SH3BP2: variants seen among roughly 807,000 people sequenced by gnomAD.
SH3BP2 encodes SH3 domain binding protein 2, also known as SH3 domain-binding protein 2.
SH3BP2 carries 38 observed loss-of-function variants against 56.2 expected under a neutral mutation model. The ratio of observed to expected loss-of-function variants is 0.68; its 90% confidence interval spans 0.52 to 0.89. SH3BP2 has a LOEUF of 0.89. Ranked by LOEUF, SH3BP2 falls within the 40% of genes least tolerant of loss-of-function variation. The pLI is 0.00. For synonymous variants in SH3BP2, 346 were observed against 316.7 expected, an observed-to-expected ratio of 1.09 and a Z score of -0.98; for missense variants, 748 against 762.6, an observed-to-expected ratio of 0.98 and a Z score of 0.23.
chr4:2,831,561 GC>G lies in SH3BP2; in HGVS notation c.1242-6del. 6.4e-7 allele frequency: 1 copy of G among 1,563,576 alleles called. No individual in the cohort carries two copies. The highest frequency in any genetic ancestry group is 8.7e-7 in the Non-Finnish European group (1 of 1,152,388). ...GAAATGGTCCTGCCTTCCTCTCCCT[GC>G]CCCTCCAGGCGATCACCCCCCGATG... is the stretch of plus-strand genomic sequence containing the variant. On this transcript the variant is annotated splice_polypyrimidine_tract_variant and intron_variant, in intron 8 of 12. Coordinates refer to ENST00000503393, the MANE Select transcript of SH3BP2 (RefSeq NM_001122681.2). This position sits in a 1 kb window ranked among gnomAD's most constrained non-coding sequence, Gnocchi z 4.1.
chr4:2,806,831 G>A (rs1057236553), intron 1 of SH3BP2, among the ~76,000 whole-genome samples: 1 of 152,272 alleles, frequency 6.6e-6, no homozygotes, highest in Admixed American at 6.5e-5. Flanking sequence ...GGAAGGCCCA[G>A]TGGGGCATCC....
rs180843599 is a variant in SH3BP2 at position 2,825,294 on chromosome 4, T to G, written c.428+98T>G. On this transcript the variant is annotated intron_variant, in intron 5 of 12. Transcript: ENST00000503393. ...TCCCAGCCCCGGGCTTGGCATAGAA[T>G]TCCGTCCTTAAAGGTTTCCTGGAGG... The G allele has an allele frequency of 1.3e-3, 1,301 of 1,026,882 alleles. 20 individuals are homozygous for G. The African/African-American group carries it at 0.019, about 15-fold the overall frequency. The allele number at this position is 1,026,882 out of a possible 1,614,324, so 63.6% of individuals were successfully genotyped here.
intron 5 of SH3BP2, 170 bp downstream of exon 5, chr4:2,825,366 G>C: frequency 1.5e-6 from 1 of 678,484 alleles, no homozygotes; most frequent in Non-Finnish European, 2.7e-6. Context: ...GATAAACACA[G>C]ATACAGGACA....
intron 1 of SH3BP2, among the ~76,000 whole-genome samples, chr4:2,808,028 A>C (rs1386898383): frequency 6.6e-6 from 1 of 152,204 alleles, no homozygotes; most frequent in Admixed American, 6.5e-5. Flanking sequence ...GGAAGGACTC[A>C]GGTGAGTCCC....
intron 1 of SH3BP2, among the ~76,000 whole-genome samples, chr4:2,815,991 T>C (rs951957413): frequency 6.6e-6 from 1 of 152,220 alleles, no homozygotes; most frequent in Admixed American, 6.5e-5. Flanking sequence ...TGCTAGTATA[T>C]AGAAATAGAA....
chr4:2,799,043 T>A, intron 1 of SH3BP2: 1 of 985,492 alleles, frequency 1.0e-6, no homozygotes. Context: ...CATCGAGGCC[T>A]CCGGGCTGAT....
chr4:2,819,995 G>A (rs752762945), intron 1 of SH3BP2, among the ~76,000 whole-genome samples: 1 of 152,146 alleles, frequency 6.6e-6, no homozygotes, highest in Non-Finnish European at 1.5e-5. Flanking sequence ...ATCCTGGGCT[G>A]GTGGGGTGGA....
chr4:2,802,538 G>A (rs1181096827), intron 1 of SH3BP2, among the ~76,000 whole-genome samples: 1 of 139,242 alleles, frequency 7.2e-6, no homozygotes, highest in African/African-American at 2.9e-5. Context: ...ATGTATGTGT[G>A]TGTGTGTATA....
chr4:2,818,313 G>C, intron 1 of SH3BP2: 1 of 1,107,584 alleles, frequency 9.0e-7, no homozygotes, highest in Non-Finnish European at 1.1e-6. Context: ...GACGCGGCCC[G>C]GGGCCGTGCC....
At position 2,820,675 on chromosome 4, in the gene SH3BP2, C is replaced by T. The variant is rs1724253391; in HGVS notation, c.58C>T (p.Leu20=). Residue 20 remains leucine (L), a synonymous_variant, in exon 2 of 13, where the codon CTG becomes TTG. Coordinates refer to ENST00000503393, the MANE Select transcript of SH3BP2 (RefSeq NM_001122681.2). The part of the protein sequence containing the change: ...VPMKAIGAQN[L]LTMPGGVAKA... ...TATGAAGGCCATTGGTGCCCAGAAC[C>T]TGCTAACCATGCCTGGGGGCGTGGC... The T allele has an allele frequency of 6.2e-7, 1 of 1,614,084 alleles. No homozygotes were observed. The highest frequency in any genetic ancestry group is 8.5e-7 in the Non-Finnish European group (1 of 1,180,020).
intron 1 of SH3BP2, among the ~76,000 whole-genome samples, chr4:2,817,009 C>T (rs1577351197): frequency 6.6e-6 from 1 of 152,250 alleles, no homozygotes; most frequent in Non-Finnish European, 1.5e-5. Flanking sequence ...TTTGAGCCAA[C>T]TCTTGATGGC....
rs774809755 is a variant in SH3BP2 at position 2,820,714 on chromosome 4, C to T, written c.97C>T (p.Leu33=). ...MPGGVAKAGY[L]HKKGGTQLQL... is the part of the protein sequence containing the mutation. ...TGGGGGCGTGGCCAAGGCTGGCTAC[C>T]TGCACAAGAAGGGCGGTACCCAGCT... Residue 33 remains leucine (L), a synonymous_variant, in exon 2 of 13, where the codon CTG becomes TTG. Coordinates refer to ENST00000503393, the MANE Select transcript of SH3BP2 (RefSeq NM_001122681.2). 202 of 1,614,098 alleles carry T rather than the reference C, an allele frequency of 1.3e-4. 1 individual carries two copies. In the South Asian group the frequency reaches 1.3e-3, roughly 10 times the overall value.
At chr4:2,816,167 G>A (rs1475182034) in intron 1 of SH3BP2, among the ~76,000 whole-genome samples, 4 of 151,880 alleles carry the variant, frequency 2.6e-5, no homozygotes, top group Non-Finnish European at 5.9e-5. Flanking sequence ...CGATTCTCCT[G>A]CCTCAGCCTC....
Position 2,820,725 on chromosome 4 carries a change from G to A in SH3BP2, c.108G>A (p.Lys36=). 6.2e-7 allele frequency: 1 copy of A among 1,614,012 alleles called. No individual in the cohort carries two copies. The highest frequency in any genetic ancestry group is 8.5e-7 in the Non-Finnish European group (1 of 1,179,900). The change falls in exon 2 of 13, where the codon AAG becomes AAA. Residue 36 remains lysine, a synonymous_variant. Coordinates refer to ENST00000503393, the MANE Select transcript of SH3BP2 (RefSeq NM_001122681.2). ...CCAAGGCTGGCTACCTGCACAAGAA[G>A]GGCGGTACCCAGCTGCAGCTGCTGA... ...GVAKAGYLHK[K]GGTQLQLLKW...
rs777133458 is a variant in SH3BP2 at position 2,832,981 on chromosome 4, G to A, written c.1489-9G>A. ...AGGGAGCCGTCAGCCTCCCGCTTCC[G>A]TCCTGTAGGTCCTGGTTGTGTGGGA... On this transcript the variant is annotated splice_polypyrimidine_tract_variant and intron_variant, in intron 11 of 12. Transcript: ENST00000503393. 1.4e-5 allele frequency: 22 copies of A among 1,614,004 alleles called. No homozygotes were observed. Among genetic ancestry groups the A allele is most frequent in the East Asian group, 4.5e-5 (2 of 44,894 alleles).
At chr4:2,824,079 C>T (rs1295461259) in intron 3 of SH3BP2, among the ~76,000 whole-genome samples, 2 of 152,210 alleles carry the variant, frequency 1.3e-5, no homozygotes, top group Admixed American at 1.3e-4. Context: ...GAGTTTTGGC[C>T]AGGCTCTTAT....
Position 2,827,289 on chromosome 4 carries a change from G to T in SH3BP2, c.488G>T (p.Ser163Ile). Residue 163 changes from serine to isoleucine, a missense_variant, in exon 6 of 13, where the codon AGC (serine) becomes ATC (isoleucine). Physicochemically the swap from Ser to Ile is moderately radical, Grantham distance 142 (BLOSUM62 -2). Transcript: ENST00000503393. ...YGAVERPVDISLSPYPTDNED... is the reference protein window; with the variant it reads ...YGAVERPVDIILSPYPTDNED... ...GCAGTTGAGCGGCCTGTGGATATCA[G>T]CCTTTCCCCGTACCCCACGGACAAT... 8.1e-6 allele frequency: 13 copies of T among 1,614,192 alleles called. No homozygotes were observed. Among genetic ancestry groups the T allele is most frequent in the Non-Finnish European group, 1.0e-5 (12 of 1,180,022 alleles).
Position 2,823,014 on chromosome 4 carries a change from C to T in SH3BP2, c.216C>T (p.Ala72=). 6.2e-7 allele frequency: 1 copy of T among 1,613,970 alleles called. No homozygotes were observed. Among genetic ancestry groups the T allele is most frequent in the South Asian group, 1.1e-5 (1 of 91,054 alleles). Residue 72 remains alanine, a synonymous_variant, in exon 3 of 13, where the codon GCC becomes GCT. Coordinates refer to ENST00000503393, the MANE Select transcript of SH3BP2 (RefSeq NM_001122681.2). Reference sequence around the variant, plus strand: ...GCACCTCTGCCTCCCCGCAGGGCGCCTTCTCCCTGAGTGGCTATAACCGGT... The same window carrying T: ...GCACCTCTGCCTCCCCGCAGGGCGCTTTCTCCCTGAGTGGCTATAACCGGT... ...KSSTSASPQG[A]FSLSGYNRVM...
rs573953172 is a variant in SH3BP2 at position 2,833,913 on chromosome 4, A to G, written c.*79A>G. 15 of 1,460,922 alleles carry G rather than the reference A, an allele frequency of 1.0e-5. No individual in the cohort carries two copies. Among genetic ancestry groups the G allele is most frequent in the Non-Finnish European group, 1.8e-6 (2 of 1,091,816 alleles). 90.5% of individuals were successfully genotyped at this position (1,460,922 alleles called of 1,614,324 possible). A position where few individuals can be genotyped will look rare whatever the true frequency, so the allele number is the denominator to read the frequency against. On this transcript the variant is annotated 3_prime_UTR_variant, in exon 13 of 13. Transcript: ENST00000503393. ...GCCACACAGACGGACATGGGCCCAC[A>G]TGGGAGGGTGAGCAGGAGCAAGGCT...
Sources: allele counts gnomAD v4.1 joint callset (sites outside exome capture counted in the v4.1 genomes callset), GRCh38; gene constraint gnomAD v4.1.1; non-coding constraint Gnocchi (gnomAD v3.1); transcripts MANE v1.5; gene names NCBI Gene and HGNC (gene_info 2026-07-23, HGNC 2026-07-21).